The following ALX4 variants were observed in gnomAD, a reference collection of about 807,000 sequenced individuals.
The protein encoded by ALX4 is homeobox protein aristaless-like 4.
ALX4 carries 22 observed loss-of-function variants against 40.6 expected under a neutral mutation model. That is an observed-to-expected ratio of 0.54 (90% CI 0.39 to 0.77). ALX4 has a LOEUF of 0.77. Ranked by LOEUF, ALX4 falls within the 30% of genes least tolerant of loss-of-function variation. The pLI, the probability that ALX4 is intolerant of heterozygous loss-of-function variation, is 0.00. For missense variants in ALX4, 556 were observed against 564.8 expected (o/e 0.98, Z 0.16); for synonymous variants, 266 against 240.5 (o/e 1.11, Z -0.98).
chr11:44,285,858 G>T (rs1285641300), intron 1 of ALX4, among the ~76,000 whole-genome samples: 2 of 152,212 alleles, frequency 1.3e-5, no homozygotes, highest in African/African-American at 2.4e-5. Context: ...TCATGGGCCT[G>T]CTCCCTCCCT....
intron 2 of ALX4, among the ~76,000 whole-genome samples, 196 bp from the exon 3 acceptor site, chr11:44,267,818 G>C (rs117639716): frequency 6.6e-6 from 1 of 152,164 alleles, no homozygotes; most frequent in African/African-American, 2.4e-5. Flanking sequence ...CTCTGAGCTG[G>C]GAAGGTATCT....
At chr11:44,294,800 GC>G (rs2119863686) in intron 1 of ALX4, among the ~76,000 whole-genome samples, 1 of 151,908 alleles carries the variant, frequency 6.6e-6, no homozygotes, top group South Asian at 2.1e-4. Context: ...CACTTACTAT[GC>G]TCCAGGAACT....
intron 1 of ALX4, among the ~76,000 whole-genome samples, chr11:44,294,528 G>T (rs173325): frequency 6.6e-6 from 1 of 152,328 alleles, no homozygotes; most frequent in South Asian, 2.1e-4. Flanking sequence ...GGCCTGAGGG[G>T]CCTGGGTGGC....
chr11:44,304,037 G>A (rs1036715252), intron 1 of ALX4, among the ~76,000 whole-genome samples: 1 of 152,188 alleles, frequency 6.6e-6, no homozygotes, highest in African/African-American at 2.4e-5. Flanking sequence ...CTGGAAAGAG[G>A]TGCCTCCTCC....
At chr11:44,269,037 C>T (rs76847682) in intron 2 of ALX4, among the ~76,000 whole-genome samples, 16,067 of 152,292 alleles carry the variant, frequency 0.11, 929 homozygotes, top group African/African-American at 0.14. Context: ...CCATCCATCA[C>T]GACCAATGCA....
At chr11:44,293,784 C>T (rs1956387249) in intron 1 of ALX4, among the ~76,000 whole-genome samples, 1 of 152,226 alleles carries the variant, frequency 6.6e-6, no homozygotes, top group African/African-American at 2.4e-5. Context: ...GGCTATTACT[C>T]GTTCTGTTTA....
At chr11:44,309,548 C>A (rs1477977792) in intron 1 of ALX4, 49 bp downstream of exon 1, 2 of 1,536,982 alleles carry the variant, frequency 1.3e-6, no homozygotes, top group Admixed American at 1.9e-5. Flanking sequence ...GATGCGGAAG[C>A]CAAGCACCCC....
chr11:44,304,652 G>A (rs944293929), intron 1 of ALX4, among the ~76,000 whole-genome samples: 7 of 152,216 alleles, frequency 4.6e-5, no homozygotes, highest in Non-Finnish European at 8.8e-5. Flanking sequence ...ATCCCTGGCA[G>A]CAGCAAAGGC....
In ALX4 at chr11:44,290,761, G is replaced by A. The variant is rs141041624; in HGVS notation, c.467-15103C>T. Among the ~76,000 whole-genome samples the A allele has an allele frequency of 8.4e-3, 1,284 of 152,336 alleles. 10 individuals are homozygous for A. Among genetic ancestry groups the A allele is most frequent in the Middle Eastern group, 0.027 (8 of 294 alleles). ...CACAGAAGGGTATCCTTGGAAAAGTGACTTGACCTTTGTGTGCTTCAGTTT... is the reference window on the plus strand; with the variant it reads ...CACAGAAGGGTATCCTTGGAAAAGTAACTTGACCTTTGTGTGCTTCAGTTT... On this transcript the variant is annotated intron_variant, in intron 1 of 3. Coordinates refer to ENST00000652299, the MANE Select transcript of ALX4 (RefSeq NM_021926.4).
intron 1 of ALX4, among the ~76,000 whole-genome samples, chr11:44,285,187 A>T (rs1956331676): frequency 6.6e-6 from 1 of 152,022 alleles, no homozygotes; most frequent in Non-Finnish European, 1.5e-5. Flanking sequence ...CTGGTCTCGA[A>T]CTCCTGACCT....
At chr11:44,303,029 C>G (rs150443597) in intron 1 of ALX4, among the ~76,000 whole-genome samples, 1 of 150,810 alleles carries the variant, frequency 6.6e-6, no homozygotes, top group Non-Finnish European at 1.5e-5. Flanking sequence ...AAGGTGGAGG[C>G]TGGGGTGATC....
intron 1 of ALX4, among the ~76,000 whole-genome samples, chr11:44,297,575 G>A (rs898628020): frequency 6.6e-6 from 1 of 152,078 alleles, no homozygotes; most frequent in African/African-American, 2.4e-5. Context: ...AAAGTTAACT[G>A]GGCGTGGTGA....
intron 1 of ALX4, among the ~76,000 whole-genome samples, chr11:44,279,747 C>G (rs1036167318): frequency 6.6e-6 from 1 of 152,188 alleles, no homozygotes; most frequent in Non-Finnish European, 1.5e-5. Context: ...CTCACCCTCT[C>G]CACTGACTGC....
intron 1 of ALX4, among the ~76,000 whole-genome samples, chr11:44,306,461 T>C (rs375818813): frequency 1.3e-5 from 2 of 152,340 alleles, no homozygotes; most frequent in African/African-American, 2.4e-5. Context: ...GGCCCAGAAG[T>C]TGAGGCCCAG....
At position 44,262,871 on chromosome 11, in the gene ALX4, C is replaced by T. The variant is rs963246937; in HGVS notation, c.*1983G>A. ...GGGAGTCTGGGTCATTTCAGCGAAC[C>T]TCAGAACTAGAAAAAACTTCCCAAA... On this transcript the variant is annotated 3_prime_UTR_variant, in exon 4 of 4. Transcript: ENST00000652299. 7 of 152,172 alleles carry T rather than the reference C, an allele frequency of 4.6e-5. No homozygotes were observed. The highest frequency in any genetic ancestry group is 1.3e-4 in the Admixed American group (2 of 15,282). The allele number at this position is 152,172 out of a possible 1,614,324, so 9.4% of individuals were successfully genotyped here.
intron 1 of ALX4, among the ~76,000 whole-genome samples, chr11:44,294,247 A>G (rs1039526003): frequency 4.1e-4 from 62 of 152,338 alleles, no homozygotes; most frequent in African/African-American, 1.4e-3. Context: ...GGTGTGGCCA[A>G]GGGCAATGCC....
chr11:44,309,210 C>T (rs1383747157), intron 1 of ALX4, among the ~76,000 whole-genome samples: 1 of 151,448 alleles, frequency 6.6e-6, no homozygotes, highest in African/African-American at 2.4e-5. Flanking sequence ...AGCCCCGCAG[C>T]CCCGCAGCCC....
chr11:44,266,900 T>A (rs562359587), intron 3 of ALX4, among the ~76,000 whole-genome samples: 154 of 152,294 alleles, frequency 1.0e-3, no homozygotes, highest in African/African-American at 3.5e-3. Context: ...CACAAGCTTT[T>A]TGAAACTGTA....
chr11:44,268,862 G>A (rs1229131793), intron 2 of ALX4, among the ~76,000 whole-genome samples: 1 of 152,232 alleles, frequency 6.6e-6, no homozygotes, highest in Non-Finnish European at 1.5e-5. Flanking sequence ...TCAGATGCAA[G>A]TGGGCACACC....
Sources: allele counts gnomAD v4.1 joint callset (sites outside exome capture counted in the v4.1 genomes callset), GRCh38; gene constraint gnomAD v4.1.1; transcripts MANE v1.5; gene names NCBI Gene and HGNC (gene_info 2026-07-23, HGNC 2026-07-21).